DLC1: variants seen among roughly 807,000 people sequenced by gnomAD.
The protein encoded by DLC1 is rho GTPase-activating protein 7.
Under a neutral mutation model 140.3 loss-of-function variants are expected in DLC1, and 54 were observed. The observed-to-expected ratio is 0.38, with a 90% CI of 0.31 to 0.48. The LOEUF is 0.48. Ranked by LOEUF, DLC1 falls within the 20% of genes least tolerant of loss-of-function variation. DLC1 has a pLI of 0.96. For missense variants in DLC1, 2,536 were observed against 1,907.0 expected, an observed-to-expected ratio of 1.33 and a Z score of -6.14; for synonymous variants, 986 against 728.1, an observed-to-expected ratio of 1.35 and a Z score of -5.70.
chr8:13,362,295 G>T (rs561349583), intron 4 of DLC1, among the ~76,000 whole-genome samples: 4 of 152,168 alleles, frequency 2.6e-5, no homozygotes, highest in African/African-American at 9.7e-5. Context: ...TGGAGAAAGA[G>T]CCCAGTGTTT....
rs1461663411 is a variant in DLC1, at chr8:13,242,805, C to T, written c.1348+62464G>A. On this transcript the variant is annotated intron_variant, in intron 5 of 17. Transcript: ENST00000276297. ...GGAATTGAAATCAACTATGAGGGTG[C>T]CCAAGGTTATGGAAAATATTACTTT... 4.6e-5 allele frequency among the ~76,000 whole-genome samples: 7 copies of T among 152,006 alleles called. No individual in the cohort carries two copies. The East Asian group carries it at 1.3e-3, about 29-fold the overall frequency.
intron 1 of DLC1, among the ~76,000 whole-genome samples, chr8:13,593,490 C>T (rs1420022396): frequency 6.6e-6 from 1 of 152,130 alleles, no homozygotes; most frequent in Admixed American, 6.5e-5. Flanking sequence ...ATTCACGCTT[C>T]TCCAACTCTG....
chr8:13,238,616 G>T (rs1432155896), intron 5 of DLC1, among the ~76,000 whole-genome samples: 3 of 152,010 alleles, frequency 2.0e-5, no homozygotes, highest in Admixed American at 6.6e-5. Context: ...TTAGAAAAAG[G>T]CCTCCCTTCC....
chr8:13,473,561 G>C (rs1800308786), intron 2 of DLC1, among the ~76,000 whole-genome samples: 1 of 152,330 alleles, frequency 6.6e-6, no homozygotes, highest in Middle Eastern at 3.4e-3. Flanking sequence ...GGTTAGAACA[G>C]TTTGGAAGGC....
chr8:13,292,388 A>T (rs910341176), intron 5 of DLC1, among the ~76,000 whole-genome samples: 1 of 152,210 alleles, frequency 6.6e-6, no homozygotes, highest in Non-Finnish European at 1.5e-5. Context: ...CTCAGAGTCA[A>T]GGTCACAAGT....
At chr8:13,354,646 A>G (rs1834835918) in intron 4 of DLC1, among the ~76,000 whole-genome samples, 1 of 152,072 alleles carries the variant, frequency 6.6e-6, no homozygotes, top group Non-Finnish European at 1.5e-5. Flanking sequence ...ATGTGCAAAA[A>G]TGAAAATTTT....
At chr8:13,207,364 AGTT>A (rs1422328832) in intron 5 of DLC1, among the ~76,000 whole-genome samples, 1 of 152,150 alleles carries the variant, frequency 6.6e-6, no homozygotes, top group African/African-American at 2.4e-5. Flanking sequence ...TTAGTAAAAA[AGTT>A]GTATTTTGTC....
chr8:13,264,508 A>G (rs1326329132), intron 5 of DLC1, among the ~76,000 whole-genome samples: 2 of 152,216 alleles, frequency 1.3e-5, no homozygotes, highest in Non-Finnish European at 2.9e-5. Context: ...GTTTGGGGAC[A>G]CTTAAATGTG....
chr8:13,421,615 T>C (rs897176164), intron 2 of DLC1, among the ~76,000 whole-genome samples: 1 of 152,190 alleles, frequency 6.6e-6, no homozygotes, highest in Non-Finnish European at 1.5e-5. Context: ...TTTGTGTCCT[T>C]GCAGGAGTTA....
chr8:13,512,412 T>C (rs766733301), intron 1 of DLC1, among the ~76,000 whole-genome samples: 2 of 152,166 alleles, frequency 1.3e-5, no homozygotes, highest in Non-Finnish European at 2.9e-5. Context: ...CACGCTCCCA[T>C]TTTATACCAC....
chr8:13,169,329 T>C (rs1299051471), intron 5 of DLC1, among the ~76,000 whole-genome samples: 1 of 152,226 alleles, frequency 6.6e-6, no homozygotes, highest in Non-Finnish European at 1.5e-5. Flanking sequence ...GGCTTTCTTG[T>C]TGAATTACAT....
At chr8:13,206,000 C>G (rs139057387) in intron 5 of DLC1, among the ~76,000 whole-genome samples, 134 of 152,294 alleles carry the variant, frequency 8.8e-4, no homozygotes, top group African/African-American at 3.1e-3. Context: ...TAGCCCCTTA[C>G]TCTTTTTCAA....
chr8:13,096,280 G>T (rs1156898164), intron 10 of DLC1, among the ~76,000 whole-genome samples: 1 of 152,118 alleles, frequency 6.6e-6, no homozygotes, highest in Non-Finnish European at 1.5e-5. Flanking sequence ...GTGGGATGGG[G>T]GTGGGCCACT....
At chr8:13,350,237 T>C (rs1475545857) in intron 4 of DLC1, among the ~76,000 whole-genome samples, 4 of 152,150 alleles carry the variant, frequency 2.6e-5, no homozygotes, top group Admixed American at 1.3e-4. Flanking sequence ...ACCCTAACGA[T>C]AGATTTTTAT....
At chr8:13,286,855 T>A (rs1347281989) in intron 5 of DLC1, among the ~76,000 whole-genome samples, 1 of 151,820 alleles carries the variant, frequency 6.6e-6, no homozygotes, top group East Asian at 1.9e-4. Context: ...AAAAATAGAA[T>A]TGTAGGAGAT....
intron 5 of DLC1, among the ~76,000 whole-genome samples, chr8:13,246,451 C>G (rs561815467): frequency 1.3e-5 from 2 of 151,078 alleles, no homozygotes; most frequent in East Asian, 4.0e-4. Flanking sequence ...GAGTGGTTTT[C>G]TTTTTTCTGC....
chr8:13,313,028 C>T (rs1832742798), intron 4 of DLC1, among the ~76,000 whole-genome samples: 1 of 152,140 alleles, frequency 6.6e-6, no homozygotes, highest in African/African-American at 2.4e-5. Context: ...TTCATTTTGT[C>T]CATGAAGTCT....
rs1342137656 is a variant in DLC1 at position 13,552,118 on chromosome 8, T to C, written c.-125-51922A>G. On this transcript the variant is annotated intron_variant, in intron 1 of 1. Coordinates refer to the DLC1 transcript ENST00000631382. The stretch of plus-strand genomic sequence containing the variant: ...ATGTACCTGTCTAGAGGTGTATATA[T>C]ATATATATATATATATATATATATC... Among the ~76,000 whole-genome samples, 50 of 124,152 alleles carry C rather than the reference T, an allele frequency of 4.0e-4. 1 individual carries two copies. The highest frequency in any genetic ancestry group is 7.8e-4 in the Non-Finnish European group (46 of 58,970). The allele number at this position is 124,152 out of a possible 152,430, so 81.4% of individuals were successfully genotyped here.
chr8:13,546,858 C>T (rs1247051953), intron 1 of DLC1, among the ~76,000 whole-genome samples: 2 of 152,092 alleles, frequency 1.3e-5, no homozygotes, highest in Non-Finnish European at 2.9e-5. Flanking sequence ...CTCTAGAATG[C>T]TGTATATTGT....
Sources: gnomAD v4.1 joint callset for allele counts (sites outside exome capture counted in the v4.1 genomes callset) on GRCh38, gnomAD v4.1.1 for gene constraint, MANE v1.5 for transcripts, NCBI Gene and HGNC (gene_info 2026-07-23, HGNC 2026-07-21) for gene names.